Variants in CSGALNACT1 observed in about 807,000 individuals in gnomAD.
CSGALNACT1 encodes beta4GalNAcT-1.
CSGALNACT1 carries 52 observed loss-of-function variants against 51.0 expected under a neutral mutation model. The ratio of observed to expected loss-of-function variants is 1.02; its 90% confidence interval spans 0.82 to 1.29. The LOEUF (loss-of-function observed/expected upper bound fraction) is 1.29, where lower values mean the gene tolerates loss of function less well. Ranked by LOEUF, CSGALNACT1 falls within the 50% of genes most tolerant of loss-of-function variation. The pLI is 0.00. For missense variants in CSGALNACT1, 935 were observed against 679.2 expected (o/e 1.38, Z -4.19); for synonymous variants, 341 against 254.4 (o/e 1.34, Z -3.24).
chr8:19,405,034 G>A (rs1409931554), exon 10 of CSGALNACT1: 2 of 453,252 alleles, frequency 4.4e-6, no homozygotes, highest in Admixed American at 2.4e-5. Context: ...TTCTCATAAT[G>A]CATCTCAAAG....
intron 1 of CSGALNACT1, among the ~76,000 whole-genome samples, chr8:19,633,734 A>G (rs2055614727): frequency 6.6e-6 from 1 of 152,214 alleles, no homozygotes; most frequent in Non-Finnish European, 1.5e-5. Context: ...TGAGACGGTA[A>G]ATTTCAGTTG....
At chr8:19,505,450 C>A (rs751594554) in exon 4 of CSGALNACT1, 1 of 1,614,210 alleles carries the variant, frequency 6.2e-7, no homozygotes. Context: ...TCTGCCTTGT[C>A]CACCTGCGAG....
intron 3 of CSGALNACT1, among the ~76,000 whole-genome samples, chr8:19,509,940 G>A (rs898494024): frequency 4.6e-5 from 7 of 152,254 alleles, no homozygotes; most frequent in Admixed American, 2.6e-4. Context: ...TTTTAGACCA[G>A]GTCAATCTCT....
At chr8:19,511,775 T>A (rs1169580372) in intron 3 of CSGALNACT1, among the ~76,000 whole-genome samples, 2 of 152,158 alleles carry the variant, frequency 1.3e-5, no homozygotes, top group Non-Finnish European at 2.9e-5. Flanking sequence ...AAAAGAGGTT[T>A]AATTGACTCA....
At chr8:19,623,946 A>G (rs2054138402) in intron 1 of CSGALNACT1, among the ~76,000 whole-genome samples, 1 of 152,256 alleles carries the variant, frequency 6.6e-6, no homozygotes, top group Admixed American at 6.5e-5. Flanking sequence ...TACAAGGTCT[A>G]GGAGATCACT....
chr8:19,520,647 T>C (rs763855032), intron 3 of CSGALNACT1, among the ~76,000 whole-genome samples: 2 of 152,248 alleles, frequency 1.3e-5, no homozygotes, highest in Non-Finnish European at 2.9e-5. Flanking sequence ...AATCCAAGTT[T>C]TACAGTTTAA....
intron 1 of CSGALNACT1, among the ~76,000 whole-genome samples, chr8:19,612,946 GAAAAAAAAAAAAAAAAA>G (rs1165754811): frequency 7.3e-3 from 113 of 15,462 alleles, no homozygotes; most frequent in East Asian, 0.04. Flanking sequence ...AAAGCAGCTG[GAAAAAAAAAAAAAAAAA>G]AAAAAAAAAA....
intron 1 of CSGALNACT1, among the ~76,000 whole-genome samples, chr8:19,615,228 G>A (rs2052833715): frequency 2.0e-5 from 3 of 152,098 alleles, no homozygotes; most frequent in Admixed American, 1.3e-4. Flanking sequence ...AGTTGAACCC[G>A]GGAGGCAGAG....
intron 3 of CSGALNACT1, among the ~76,000 whole-genome samples, chr8:19,573,109 T>A (rs143343207): frequency 2.0e-5 from 3 of 152,206 alleles, no homozygotes; most frequent in Non-Finnish European, 4.4e-5. Flanking sequence ...TACACTCCCA[T>A]GGCGGTAGCA....
At chr8:19,620,734 C>G (rs1044001473) in intron 1 of CSGALNACT1, among the ~76,000 whole-genome samples, 3 of 152,132 alleles carry the variant, frequency 2.0e-5, no homozygotes, top group Non-Finnish European at 4.4e-5. Flanking sequence ...ATGCCCAACC[C>G]CTTTTTTAAA....
chr8:19,448,659 G>A (rs527726893), intron 5 of CSGALNACT1, among the ~76,000 whole-genome samples: 26 of 152,260 alleles, frequency 1.7e-4, no homozygotes, highest in South Asian at 1.2e-3. Context: ...TGATAGGTGA[G>A]TAGCCACCCC....
chr8:19,410,858 C>T (rs1462035157), intron 8 of CSGALNACT1, among the ~76,000 whole-genome samples: 2 of 152,228 alleles, frequency 1.3e-5, no homozygotes, highest in Middle Eastern at 3.2e-3. Flanking sequence ...CAGGGCAAGA[C>T]GGAGTTCCCT....
At chr8:19,559,160 C>T (rs1588325173) in intron 3 of CSGALNACT1, among the ~76,000 whole-genome samples, 1 of 152,114 alleles carries the variant, frequency 6.6e-6, no homozygotes, top group Non-Finnish European at 1.5e-5. Flanking sequence ...AAACTAATGT[C>T]TCTCATGAAC....
intron 1 of CSGALNACT1, among the ~76,000 whole-genome samples, chr8:19,627,436 G>T (rs553329389): frequency 3.3e-5 from 5 of 152,198 alleles, no homozygotes; most frequent in African/African-American, 1.2e-4. Flanking sequence ...TCCTGGAAAT[G>T]GAACAACTTG....
exon 10 of CSGALNACT1, chr8:19,404,727 G>A (rs1442955502): frequency 4.4e-6 from 2 of 454,350 alleles, no homozygotes; most frequent in Non-Finnish European, 8.8e-6. Flanking sequence ...TATTTAAACA[G>A]GTAAGAAAGC....
chr8:19,630,192 C>CTGTG (rs1399298561), intron 1 of CSGALNACT1, among the ~76,000 whole-genome samples: 1 of 119,962 alleles, frequency 8.3e-6, no homozygotes, highest in African/African-American at 3.3e-5. Context: ...GTTCCCACGT[C>CTGTG]TCTGTGTGTG....
At chr8:19,405,296 ACTC>A (rs2053928332) in exon 10 of CSGALNACT1, 2 of 453,810 alleles carry the variant, frequency 4.4e-6, no homozygotes, top group African/African-American at 4.0e-5. Flanking sequence ...TACTTAATGT[ACTC>A]ACTAGTATCA....
Position 19,757,067 on chromosome 8 carries a change from G to A in CSGALNACT1, c.-297+783C>T, listed in dbSNP as rs1262241092. 6.6e-6 allele frequency: 1 copy of A among 150,440 alleles called. No homozygotes were observed. Among genetic ancestry groups the A allele is most frequent in the Non-Finnish European group, 1.5e-5 (1 of 67,486 alleles). 9.3% of individuals were successfully genotyped at this position (150,440 alleles called of 1,614,324 possible). On this transcript the variant is annotated intron_variant, in intron 1 of 1. Coordinates refer to the CSGALNACT1 transcript ENST00000517494. This position sits in a 1 kb window ranked among gnomAD's most constrained non-coding sequence, Gnocchi z 4.0. ...CCTCCGCAGCTGCACGAGCCACCCC[G>A]AGGTCGCGGGGTGGGCGGGCGCGAG...
chr8:19,458,761 A>G (rs1427699870), intron 4 of CSGALNACT1, 119 bp from the exon 4 acceptor site: 4 of 953,866 alleles, frequency 4.2e-6, no homozygotes, highest in Non-Finnish European at 3.3e-6. Flanking sequence ...AATCTCTCCA[A>G]CAATTATTCG....
Sources: allele counts gnomAD v4.1 joint callset (sites outside exome capture counted in the v4.1 genomes callset), GRCh38; gene constraint gnomAD v4.1.1; non-coding constraint Gnocchi (gnomAD v3.1); transcripts MANE v1.5; gene names NCBI Gene and HGNC (gene_info 2026-07-23, HGNC 2026-07-21).